The following KIAA1671 variants were observed in gnomAD, a reference collection of about 807,000 sequenced individuals.
The protein encoded by KIAA1671 is KIAA1671, also known as uncharacterized protein KIAA1671.
In KIAA1671, 52 loss-of-function variants were observed where a neutral mutation model predicts 131.2. The observed-to-expected ratio is 0.40, with a 90% confidence interval of 0.32 to 0.50. The LOEUF is 0.50. Among genes scored for constraint, KIAA1671 ranks in the 20% least tolerant of loss-of-function variants. KIAA1671 has a pLI of 0.73. For missense variants in KIAA1671, 2,360 were observed against 2,364.2 expected, an observed-to-expected ratio of 1.00 and a Z score of 0.04; for synonymous variants, 1,003 against 961.6, an observed-to-expected ratio of 1.04 and a Z score of -0.80.
At chr22:25,141,601 G>C (rs955707819) in intron 6 of KIAA1671, among the ~76,000 whole-genome samples, 1 of 152,126 alleles carries the variant, frequency 6.6e-6, no homozygotes, top group South Asian at 2.1e-4. Flanking sequence ...ATATTTTATA[G>C]TGAAAAATGT....
chr22:25,064,994 A>T (rs1489064479), intron 6 of KIAA1671: 1 of 152,162 alleles, frequency 6.6e-6, no homozygotes, highest in Non-Finnish European at 1.5e-5. Context: ...GGGCGCAGTG[A>T]CTCATTTTTT....
chr22:25,098,510 G>A (rs749746190), intron 6 of KIAA1671, among the ~76,000 whole-genome samples: 5 of 152,108 alleles, frequency 3.3e-5, no homozygotes, highest in Non-Finnish European at 7.4e-5. Flanking sequence ...AAGTGTAAGC[G>A]GAAGGGTGCT....
intron 6 of KIAA1671, among the ~76,000 whole-genome samples, chr22:25,098,634 G>T (rs1024306322): frequency 1.3e-5 from 2 of 151,426 alleles, no homozygotes; most frequent in South Asian, 2.1e-4. Context: ...GAGGGGGCGG[G>T]GGGGGGTTTG....
chr22:25,093,259 G>C (rs1601304231), intron 6 of KIAA1671, among the ~76,000 whole-genome samples: 4 of 152,144 alleles, frequency 2.6e-5, no homozygotes, highest in Non-Finnish European at 5.9e-5. Context: ...GGCCAGTTTT[G>C]AGCAGGCAGC....
chr22:25,087,124 A>G (rs892309269), intron 6 of KIAA1671, among the ~76,000 whole-genome samples: 12 of 151,790 alleles, frequency 7.9e-5, no homozygotes, highest in Non-Finnish European at 1.5e-4. Context: ...TAAAATGGGC[A>G]TAATAAACCT....
At chr22:25,133,828 G>A (rs571188731) in intron 6 of KIAA1671, among the ~76,000 whole-genome samples, 160 of 152,308 alleles carry the variant, frequency 1.1e-3, no homozygotes, top group Non-Finnish European at 2.0e-3. Context: ...GATTACAGGT[G>A]CGAGCCACCG....
chr22:25,190,863 A>G (rs1934651714), intron 12 of KIAA1671, 79 bp downstream of exon 12: 1 of 963,936 alleles, frequency 1.0e-6, no homozygotes, highest in Non-Finnish European at 1.6e-6. Context: ...GCCACGCTTC[A>G]GAGACTGGGG....
chr22:24,980,233 A>C (rs9620475), intron 1 of KIAA1671, among the ~76,000 whole-genome samples: 13,911 of 151,568 alleles, frequency 0.092, 1,795 homozygotes, highest in African/African-American at 0.28. Flanking sequence ...AAATGCTGTA[A>C]AAATATCAGT....
intron 1 of KIAA1671, among the ~76,000 whole-genome samples, chr22:25,003,272 A>G (rs781469843): frequency 6.6e-6 from 1 of 152,202 alleles, no homozygotes; most frequent in Non-Finnish European, 1.5e-5. Context: ...TTGTTTGTGA[A>G]GCATTTCATA....
At chr22:25,008,196 G>A (rs1441922732) in intron 1 of KIAA1671, among the ~76,000 whole-genome samples, 1 of 16,290 alleles carries the variant, frequency 6.1e-5, no homozygotes, top group African/African-American at 2.4e-4. Flanking sequence ...AGACTCCGTC[G>A]CAAAAAAAAA....
At chr22:25,170,422 A>G (rs1339212515) in intron 6 of KIAA1671, among the ~76,000 whole-genome samples, 1 of 152,176 alleles carries the variant, frequency 6.6e-6, no homozygotes, top group Admixed American at 6.5e-5. Flanking sequence ...AACCTGGGCA[A>G]GCGGGTGCAT....
intron 1 of KIAA1671, among the ~76,000 whole-genome samples, chr22:24,956,559 G>C (rs1295635773): frequency 6.6e-6 from 1 of 152,206 alleles, no homozygotes; most frequent in Non-Finnish European, 1.5e-5. Context: ...TCCCGGAGGA[G>C]GCAGATAGAA....
intron 1 of KIAA1671, among the ~76,000 whole-genome samples, chr22:25,016,025 C>CT (rs66878029): frequency 1.7e-4 from 25 of 148,284 alleles, no homozygotes; most frequent in South Asian, 6.4e-4. Flanking sequence ...TCTTTTTTTT[C>CT]TTTTTTTTTT....
chr22:25,187,507 G>T (rs73407485), intron 11 of KIAA1671, among the ~76,000 whole-genome samples: 17,486 of 151,854 alleles, frequency 0.12, 1,052 homozygotes, highest in South Asian at 0.22. Flanking sequence ...TTTAAACAAT[G>T]GTGACTTTAT....
At chr22:25,087,089 T>C (rs748975997) in intron 6 of KIAA1671, among the ~76,000 whole-genome samples, 1 of 152,232 alleles carries the variant, frequency 6.6e-6, no homozygotes, top group South Asian at 2.1e-4. Context: ...AAATCACTTA[T>C]GTGAGCCTCA....
chr22:25,081,381 G>T (rs1929397098), intron 6 of KIAA1671, among the ~76,000 whole-genome samples: 1 of 152,200 alleles, frequency 6.6e-6, no homozygotes, highest in Non-Finnish European at 1.5e-5. Flanking sequence ...CTCTGATCTT[G>T]TGTCTCACCT....
At chr22:25,106,622 G>A (rs541200445) in intron 6 of KIAA1671, among the ~76,000 whole-genome samples, 2 of 152,278 alleles carry the variant, frequency 1.3e-5, no homozygotes, top group Non-Finnish European at 2.9e-5. Flanking sequence ...AGGACGGGGT[G>A]GGTCTAGAAT....
intron 1 of KIAA1671, among the ~76,000 whole-genome samples, chr22:24,983,634 G>A (rs1173935655): frequency 1.3e-5 from 2 of 150,430 alleles, no homozygotes; most frequent in African/African-American, 4.9e-5. Context: ...TTCAAGGTGC[G>A]GTTGTTTGAA....
rs1436700850 is a variant in KIAA1671 at position 25,099,550 on chromosome 22, T to G, written c.4530+50186T>G. On this transcript the variant is annotated intron_variant, in intron 6 of 12. Coordinates refer to ENST00000358431, the MANE Select transcript of KIAA1671 (RefSeq NM_001145206.2). ...TTCAAAATGTGGGTTTTTTTGTTTTTTTTTTTTTTTTTTTTTTTTTTTTAG... is the reference window on the plus strand; with the variant it reads ...TTCAAAATGTGGGTTTTTTTGTTTTGTTTTTTTTTTTTTTTTTTTTTTTAG... Among the ~76,000 whole-genome samples, 7 of 26,500 alleles carry G rather than the reference T, an allele frequency of 2.6e-4. No homozygotes were observed. In the Admixed American group the frequency reaches 2.7e-3, roughly 10 times the overall value. 17.4% of individuals were successfully genotyped at this position (26,500 alleles called of 152,430 possible).
Sources: gnomAD v4.1 joint callset for allele counts (sites outside exome capture counted in the v4.1 genomes callset) on GRCh38, gnomAD v4.1.1 for gene constraint, MANE v1.5 for transcripts, NCBI Gene and HGNC (gene_info 2026-07-23, HGNC 2026-07-21) for gene names.